The following ZNF12 variants were observed in gnomAD, a reference collection of about 807,000 sequenced individuals.
ZNF12 encodes zinc finger protein 12.
Under a neutral mutation model 66.6 loss-of-function variants are expected in ZNF12, and 34 were observed. The ratio of observed to expected loss-of-function variants is 0.51; its 90% CI spans 0.39 to 0.68. ZNF12 has a LOEUF of 0.68. ZNF12 is among the 30% of genes least tolerant of loss of function. The probability of loss-of-function intolerance (pLI) is 0.00; values close to 1 mark genes in which losing one functional copy is unlikely to be tolerated. For synonymous variants in ZNF12, 320 were observed against 278.9 expected (o/e 1.15, Z -1.47); for missense variants, 697 against 826.9 (o/e 0.84, Z 1.93).
Position 6,691,492 on chromosome 7 carries a change from G to A in ZNF12, c.1450C>T (p.Gln484Ter). ...FYLNSALMRHQRVHTGEKPYE... is the reference protein window; with the variant it reads ...FYLNSALMRH ...GGTTTCTCTCCTGTGTGCACTCTCT[G>A]ATGTCTCATGAGGGCTGAATTCAGG... Residue 484 changes from glutamine to a stop codon, truncating the protein, a stop_gained, in exon 5 of 5, where the codon CAG (glutamine) becomes TAG (stop). Coordinates refer to ENST00000405858, the MANE Select transcript of ZNF12 (RefSeq NM_016265.4). LOFTEE classifies it high-confidence loss of function. The A allele has an allele frequency of 1.2e-6, 2 of 1,614,046 alleles. No individual in the cohort carries two copies. The highest frequency in any genetic ancestry group is 1.7e-6 in the Non-Finnish European group (2 of 1,179,980).
At chr7:6,693,111 C>A (rs1210042849) in intron 4 of ZNF12, among the ~76,000 whole-genome samples, 1 of 152,142 alleles carries the variant, frequency 6.6e-6, no homozygotes, top group Non-Finnish European at 1.5e-5. Context: ...AAGATGTATT[C>A]AATTAGGGAT....
Position 6,692,561 on chromosome 7 carries a change from A to G in ZNF12, c.381T>C (p.Pro127=). Residue 127 remains proline, a synonymous_variant, in exon 5 of 5, where the codon CCT becomes CCC. Transcript: ENST00000405858. The surrounding 1 kb of genome is among the most constrained non-coding windows in gnomAD (Gnocchi z 5.1). ...TATAGGCTATTTTTCTTGAAGGAAC[A>G]GGGTTCGTTTCTACATCAAAAGTTT... ...PGKTFDVETN[P]VPSRKIAYKN... is the part of the protein sequence containing the mutation. 2.5e-6 allele frequency: 4 copies of G among 1,613,868 alleles called. No homozygotes were observed. In the Middle Eastern group the frequency reaches 5.0e-4, roughly 200 times the overall value.
In ZNF12 at chr7:6,695,920, G is replaced by C. The variant is rs1439826903; in HGVS notation, c.238+1419C>G. On this transcript the variant is annotated intron_variant, in intron 4 of 4. Coordinates refer to ENST00000405858, the MANE Select transcript of ZNF12 (RefSeq NM_016265.4). ...TGTAGGGACAATAGTATCATGAAGA[G>C]AAGACATTAGGAGTGTGAACCAAAC... 2.0e-5 allele frequency among the ~76,000 whole-genome samples: 3 copies of C among 152,334 alleles called. No homozygotes were observed. In the East Asian group the frequency reaches 5.8e-4, roughly 29 times the overall value.
chr7:6,694,957 T>A (rs1437997111), intron 4 of ZNF12, among the ~76,000 whole-genome samples: 1 of 152,218 alleles, frequency 6.6e-6, no homozygotes, highest in Non-Finnish European at 1.5e-5. Context: ...GGAGTCTTGC[T>A]CTGTCACCCA....
In ZNF12 at chr7:6,696,493, C is replaced by T. The variant is rs1269501164; in HGVS notation, c.238+846G>A. ...GGCTCAATGGTGGTAGAGATGTCATCCTGGGTGCGAGCAACATAAAATAAA... is the reference window on the plus strand; with the variant it reads ...GGCTCAATGGTGGTAGAGATGTCATTCTGGGTGCGAGCAACATAAAATAAA... On this transcript the variant is annotated intron_variant, in intron 4 of 4. Coordinates refer to ENST00000405858, the MANE Select transcript of ZNF12 (RefSeq NM_016265.4). This position sits in a 1 kb window ranked among gnomAD's most constrained non-coding sequence, Gnocchi z 4.0. 6.6e-6 allele frequency among the ~76,000 whole-genome samples: 1 copy of T among 152,166 alleles called. No individual in the cohort carries two copies. The highest frequency in any genetic ancestry group is 6.5e-5 in the Admixed American group (1 of 15,272).
rs1417738869 is a variant in ZNF12 at position 6,705,752 on chromosome 7, AC to A, written c.-50-530del. Among the ~76,000 whole-genome samples the A allele has an allele frequency of 6.6e-6, 1 of 152,070 alleles. No individual in the cohort carries two copies. Among genetic ancestry groups the A allele is most frequent in the Non-Finnish European group, 1.5e-5 (1 of 68,008 alleles). On this transcript the variant is annotated intron_variant, in intron 1 of 4. Coordinates refer to ENST00000405858, the MANE Select transcript of ZNF12 (RefSeq NM_016265.4). This position sits in a 1 kb window ranked among gnomAD's most constrained non-coding sequence, Gnocchi z 4.0. ...CAAACAAACAAACAAAAAACAAACA[AC>A]AAAAAATGAATTCTGTAATACTCAT... is the stretch of plus-strand genomic sequence containing the variant.
chr7:6,702,958 A>AACACACAC (rs143823177), intron 2 of ZNF12, among the ~76,000 whole-genome samples: 1 of 100,838 alleles, frequency 9.9e-6, no homozygotes, highest in African/African-American at 5.3e-5. Flanking sequence ...CGTGTCCCAA[A>AACACACAC]ACACACACAC....
Position 6,690,704 on chromosome 7 carries a change from G to A in ZNF12, c.*144C>T. 1.3e-6 allele frequency: 1 copy of A among 790,596 alleles called. No homozygotes were observed. Among genetic ancestry groups the A allele is most frequent in the Non-Finnish European group, 1.9e-6 (1 of 517,100 alleles). 49.0% of individuals were successfully genotyped at this position (790,596 alleles called of 1,614,324 possible). On this transcript the variant is annotated 3_prime_UTR_variant, in exon 5 of 5. Transcript: ENST00000405858. Reference sequence around the variant, plus strand: ...TATAATCATGGTTTCCATTCTGTGAGTCTTCAGATTATGAGTCCAACACAC... The same window carrying A: ...TATAATCATGGTTTCCATTCTGTGAATCTTCAGATTATGAGTCCAACACAC...
chr7:6,692,260 T>C lies in ZNF12; in HGVS notation c.682A>G (p.Lys228Glu). The change falls in exon 5 of 5, where the codon AAG becomes GAG. Residue 228 changes from lysine (K) to glutamate (E), a missense_variant. By Grantham distance (56) the Lys-to-Glu change is moderately conservative (BLOSUM62 1). Transcript: ENST00000405858. The surrounding 1 kb of genome is among the most constrained non-coding windows in gnomAD (Gnocchi z 5.1). ...ATGTGATTAACAAAAACAGTGTCCT[T>C]TTGGAAGGCTTTCTGGCATTCAATA... ...EYIECQKAFQ[K>E]DTVFVNHMEE... 6.2e-7 allele frequency: 1 copy of C among 1,613,774 alleles called. No individual in the cohort carries two copies. Among genetic ancestry groups the C allele is most frequent in the Non-Finnish European group, 8.5e-7 (1 of 1,179,786 alleles).
rs894243597 is a variant in ZNF12 at position 6,690,174 on chromosome 7, C to T, written c.*674G>A. 6.6e-6 allele frequency: 1 copy of T among 152,172 alleles called. No homozygotes were observed. The highest frequency in any genetic ancestry group is 1.5e-5 in the Non-Finnish European group (1 of 68,046). The allele number at this position is 152,172 out of a possible 1,614,324, so 9.4% of individuals were successfully genotyped here. A position where few individuals can be genotyped will look rare whatever the true frequency, so the allele number is the denominator to read the frequency against. On this transcript the variant is annotated 3_prime_UTR_variant, in exon 5 of 5. Coordinates refer to ENST00000405858, the MANE Select transcript of ZNF12 (RefSeq NM_016265.4). ...AGTGCAAGAAAAAGTATACTTTATA[C>T]CTATCAAATGATATTAATGTAGTGC...
At chr7:6,694,897 T>A (rs1780131377) in intron 4 of ZNF12, among the ~76,000 whole-genome samples, 1 of 152,188 alleles carries the variant, frequency 6.6e-6, no homozygotes, top group Non-Finnish European at 1.5e-5. Flanking sequence ...CCATGTAAAA[T>A]GCTGAGTTTT....
chr7:6,692,491 A>T lies in ZNF12; in HGVS notation c.451T>A (p.Ser151Thr). The change falls in exon 5 of 5, where the codon TCA (serine) becomes ACA (threonine). Residue 151 changes from serine (S) to threonine (T), a missense_variant. Transcript: ENST00000405858. The surrounding 1 kb of genome is among the most constrained non-coding windows in gnomAD (Gnocchi z 5.1). ...CTTCCATCACTACTAATATATTCTG[A>T]AACAGACGTTAAACACTTTTCACAT... ...DSCEKCLTSV[S>T]EYISSDGSYA... 6.2e-7 allele frequency: 1 copy of T among 1,613,346 alleles called. No homozygotes were observed. Among genetic ancestry groups the T allele is most frequent in the Non-Finnish European group, 8.5e-7 (1 of 1,179,680 alleles).
chr7:6,691,776 G>C lies in ZNF12; in HGVS notation c.1166C>G (p.Thr389Ser). 1.2e-6 allele frequency: 2 copies of C among 1,613,926 alleles called. No individual in the cohort carries two copies. The highest frequency in any genetic ancestry group is 1.7e-6 in the Non-Finnish European group (2 of 1,179,874). ...RPYVCHDCGK[T>S]FSQKSALNDH... ...ATTAAGTGCTGACTTCTGCGAGAAGGTTTTCCCACAGTCATGACAAACATA... is the reference window on the plus strand; with the variant it reads ...ATTAAGTGCTGACTTCTGCGAGAAGCTTTTCCCACAGTCATGACAAACATA... Residue 389 changes from threonine to serine, a missense_variant, in exon 5 of 5, where the codon ACC (threonine) becomes AGC (serine). This residue lies in a region of ZNF12 where 401 missense variants were observed against 519.0 expected (regional missense o/e 0.77). Coordinates refer to ENST00000405858, the MANE Select transcript of ZNF12 (RefSeq NM_016265.4).
rs978966158 is a variant in ZNF12, at chr7:6,706,924, G to C, written c.-543C>G. 9.7e-6 allele frequency: 4 copies of C among 412,346 alleles called. No homozygotes were observed. In the Admixed American group the frequency reaches 1.1e-4, roughly 11 times the overall value. The allele number at this position is 412,346 out of a possible 1,614,324, so 25.5% of individuals were successfully genotyped here. ...GGAACTAGGGCGAGCGGTGACCTGG[G>C]GACGCACAGGAAGCGAGGGCACTGC... is the stretch of plus-strand genomic sequence containing the variant. On this transcript the variant is annotated 5_prime_UTR_variant, in exon 1 of 5. Transcript: ENST00000405858.
Position 6,696,120 on chromosome 7 carries a change from T to C in ZNF12, c.238+1219A>G, listed in dbSNP as rs1780150811. Among the ~76,000 whole-genome samples the C allele has an allele frequency of 6.6e-6, 1 of 152,206 alleles. No homozygotes were observed. The highest frequency in any genetic ancestry group is 6.5e-5 in the Admixed American group (1 of 15,276). On this transcript the variant is annotated intron_variant, in intron 4 of 4. Transcript: ENST00000405858. The surrounding 1 kb of genome is among the most constrained non-coding windows in gnomAD (Gnocchi z 4.0). The stretch of plus-strand genomic sequence containing the variant: ...TAGCGATGATATCAACTGGAAACTT[T>C]AGATGAAGACATACTGCAAATCCAG...
In ZNF12 at chr7:6,706,501, C is replaced by T. The variant is rs761652953; in HGVS notation, c.-120G>A. 9 of 470,010 alleles carry T rather than the reference C, an allele frequency of 1.9e-5. No individual in the cohort carries two copies. Among genetic ancestry groups the T allele is most frequent in the Non-Finnish European group, 3.0e-5 (7 of 236,014 alleles). The allele number at this position is 470,010 out of a possible 1,614,324, so 29.1% of individuals were successfully genotyped here. On this transcript the variant is annotated 5_prime_UTR_variant, in exon 1 of 5. Coordinates refer to ENST00000405858, the MANE Select transcript of ZNF12 (RefSeq NM_016265.4). ...CGGGGCGGGATTGCTGTCGCGGGCG[C>T]GCGTCTGCTCGCGAGGTCCCTTCCT...
At chr7:6,704,740 CAAAAAAAAAAAAAA>C (rs949897713) in intron 2 of ZNF12, among the ~76,000 whole-genome samples, 4 of 32,250 alleles carry the variant, frequency 1.2e-4, no homozygotes, top group East Asian at 4.2e-3. Context: ...TACTTGGTCT[CAAAAAAAAAAAAAA>C]AAAAAAAAAA....
At chr7:6,694,148 CAG>C (rs1398649527) in intron 4 of ZNF12, among the ~76,000 whole-genome samples, 1 of 150,922 alleles carries the variant, frequency 6.6e-6, no homozygotes, top group East Asian at 1.9e-4. Context: ...GCCTGGGTGA[CAG>C]AGTGAGAATC....
In ZNF12 at chr7:6,691,384, G is replaced by T. The variant is rs1392946088; in HGVS notation, c.1558C>A (p.Pro520Thr). 9 of 1,613,860 alleles carry T rather than the reference G, an allele frequency of 5.6e-6. No individual in the cohort carries two copies. Among genetic ancestry groups the T allele is most frequent in the Non-Finnish European group, 7.6e-6 (9 of 1,179,908 alleles). ...IHHRTHSGVKPYECSECGKTF... is the reference protein window; with the variant it reads ...IHHRTHSGVKTYECSECGKTF... ...TTCCCACATTCACTACATTCATAGG[G>T]TTTTACTCCTGAATGAGTTCTATGA... The change falls in exon 5 of 5, where the codon CCC becomes ACC. Residue 520 changes from proline (P) to threonine (T), a missense_variant. Pro to Thr is a conservative substitution (Grantham distance 38). Coordinates refer to ENST00000405858, the MANE Select transcript of ZNF12 (RefSeq NM_016265.4).
Sources: gnomAD v4.1 joint callset for allele counts (sites outside exome capture counted in the v4.1 genomes callset) on GRCh38, gnomAD v4.1.1 for gene constraint, gnomAD v4.1.1 regional missense constraint, Gnocchi (gnomAD v3.1) non-coding constraint, MANE v1.5 for transcripts, NCBI Gene and HGNC (gene_info 2026-07-23, HGNC 2026-07-21) for gene names.